TUSC3: variants seen among roughly 807,000 people sequenced by gnomAD.
TUSC3 encodes tumor suppressor candidate 3.
Under a neutral mutation model 44.8 loss-of-function variants are expected in TUSC3, and 45 were observed. That is an observed-to-expected ratio of 1.00 (90% CI 0.79 to 1.29). The LOEUF (loss-of-function observed/expected upper bound fraction) is 1.29, where lower values mean the gene tolerates loss of function less well. Ranked by LOEUF, TUSC3 falls within the 50% of genes most tolerant of loss-of-function variation. TUSC3 has a pLI of 0.00. For synonymous variants in TUSC3, 212 were observed against 152.9 expected, an observed-to-expected ratio of 1.39 and a Z score of -2.85; for missense variants, 519 against 437.9, an observed-to-expected ratio of 1.19 and a Z score of -1.65.
chr8:15,505,463 T>C (rs1801039427), intron 2 of TUSC3, among the ~76,000 whole-genome samples: 1 of 152,246 alleles, frequency 6.6e-6, no homozygotes, highest in African/African-American at 2.4e-5. Context: ...GCACCATTTT[T>C]ATTCCTGTTG....
chr8:15,709,615 TGAG>T lies in TUSC3; in HGVS notation c.799-21042_799-21040del, dbSNP rs911604106. Among the ~76,000 whole-genome samples the T allele has an allele frequency of 1.6e-4, 25 of 151,856 alleles. 1 individual carries two copies. The South Asian group carries it at 3.5e-3, about 21-fold the overall frequency. The stretch of plus-strand genomic sequence containing the variant: ...TTGAATGATGTGAAAATGTGGATGA[TGAG>T]GAGGAGGATGATGATGATGATGATA... On this transcript the variant is annotated intron_variant, in intron 6 of 10. Coordinates refer to ENST00000503731, the MANE Select transcript of TUSC3 (RefSeq NM_006765.4).
chr8:15,788,614 C>A, the TUSC3 span, among the ~76,000 whole-genome samples: 1 of 151,334 alleles, frequency 6.6e-6, no homozygotes, highest in African/African-American at 2.4e-5. Flanking sequence ...AAAATCAGAT[C>A]CTCATCCAGA....
At chr8:15,621,797 C>G (rs528958219) in intron 1 of TUSC3, among the ~76,000 whole-genome samples, 9 of 151,552 alleles carry the variant, frequency 5.9e-5, no homozygotes, top group African/African-American at 2.2e-4. Context: ...AAAACACAGC[C>G]GAGTCATTAG....
the TUSC3 span, among the ~76,000 whole-genome samples, chr8:15,849,713 A>T: frequency 6.6e-6 from 1 of 152,140 alleles, no homozygotes; most frequent in Non-Finnish European, 1.5e-5. Context: ...GGCTTTGCAG[A>T]GACCAGGGTA....
At chr8:15,571,319 A>T (rs1202540024) in intron 1 of TUSC3, among the ~76,000 whole-genome samples, 1 of 152,108 alleles carries the variant, frequency 6.6e-6, no homozygotes, top group Non-Finnish European at 1.5e-5. Flanking sequence ...ACTTTGAGAC[A>T]TGGGCTTGGT....
At chr8:15,531,074 A>G (rs765438238) in intron 2 of TUSC3, among the ~76,000 whole-genome samples, 1 of 152,154 alleles carries the variant, frequency 6.6e-6, no homozygotes, top group Non-Finnish European at 1.5e-5. Flanking sequence ...GCTAGGCACT[A>G]GTAGGCCGCT....
At chr8:15,457,560 T>G (rs1800273263) in intron 1 of TUSC3, among the ~76,000 whole-genome samples, 1 of 150,958 alleles carries the variant, frequency 6.6e-6, no homozygotes, top group African/African-American at 2.4e-5. Context: ...CATGAGAACT[T>G]TTCTGCACAT....
At chr8:15,796,683 G>T in the TUSC3 span, among the ~76,000 whole-genome samples, 1 of 152,194 alleles carries the variant, frequency 6.6e-6, no homozygotes, top group African/African-American at 2.4e-5. Flanking sequence ...AGCCTCAGGT[G>T]ACAGAAAGGG....
intron 2 of TUSC3, among the ~76,000 whole-genome samples, chr8:15,522,526 C>A (rs2129129627): frequency 6.6e-6 from 1 of 152,062 alleles, no homozygotes; most frequent in South Asian, 2.1e-4. Flanking sequence ...AGCCACCATG[C>A]CCAGCCTATT....
intron 1 of TUSC3, among the ~76,000 whole-genome samples, chr8:15,558,873 T>C (rs1372530130): frequency 1.3e-5 from 2 of 151,282 alleles, no homozygotes; most frequent in Non-Finnish European, 3.0e-5. Flanking sequence ...CATTTTTTAT[T>C]GCGTCTGTTC....
At chr8:15,828,254 C>T in the TUSC3 span, among the ~76,000 whole-genome samples, 6 of 152,146 alleles carry the variant, frequency 3.9e-5, 1 homozygote, top group Admixed American at 2.0e-4. Flanking sequence ...CTTGGCCTCC[C>T]GAAGTGCTGG....
intron 5 of TUSC3, among the ~76,000 whole-genome samples, chr8:15,667,420 A>T (rs1807714897): frequency 6.6e-6 from 1 of 151,752 alleles, no homozygotes; most frequent in South Asian, 2.1e-4. Flanking sequence ...CAGTGTATAA[A>T]TTCACTGATA....
At chr8:15,780,458 A>G in the TUSC3 span, among the ~76,000 whole-genome samples, 1 of 152,184 alleles carries the variant, frequency 6.6e-6, no homozygotes, top group African/African-American at 2.4e-5. Context: ...ACAGAAAAAA[A>G]AGTGCAGTTT....
chr8:15,587,505 G>T lies in TUSC3; in HGVS notation c.139-35575G>T, dbSNP rs562312829. ...ATATTTCCATGTATGTATCCAATGT[G>T]CAATGATCAAATCAGGGTAATTAGC... On this transcript the variant is annotated intron_variant, in intron 1 of 10. Transcript: ENST00000503731. Among the ~76,000 whole-genome samples the T allele has an allele frequency of 3.9e-5, 6 of 152,056 alleles. No individual in the cohort carries two copies. In the South Asian group the frequency reaches 1.2e-3, roughly 31 times the overall value.
chr8:15,829,939 C>A, the TUSC3 span, among the ~76,000 whole-genome samples: 1 of 152,090 alleles, frequency 6.6e-6, no homozygotes, highest in Non-Finnish European at 1.5e-5. Flanking sequence ...CTTTTCTCTG[C>A]ACACTCAACC....
rs1239992834 is a variant in TUSC3 at position 15,523,686 on chromosome 8, G to GTATATATA, written n.189+40204_189+40205insATATATAT. The stretch of plus-strand genomic sequence containing the variant: ...TATATGTGTGTGTGTGTGTGTGTGT[G>GTATATATA]TGTGTGTGTGTGTGTGTGTGTGTAT... On this transcript the variant is annotated intron_variant and non_coding_transcript_variant, in intron 2 of 5. Transcript: ENST00000503191. Among the ~76,000 whole-genome samples the GTATATATA allele has an allele frequency of 1.8e-3, 84 of 46,070 alleles. 1 individual carries two copies. The highest frequency in any genetic ancestry group is 2.8e-3 in the East Asian group (5 of 1,794). The allele number at this position is 46,070 out of a possible 152,430, so 30.2% of individuals were successfully genotyped here. A position where few individuals can be genotyped will look rare whatever the true frequency, so the allele number is the denominator to read the frequency against.
chr8:15,418,556 A>G (rs1001822276), intron 1 of TUSC3, among the ~76,000 whole-genome samples: 5 of 152,244 alleles, frequency 3.3e-5, no homozygotes, highest in Non-Finnish European at 7.3e-5. Context: ...GAAAGATTTT[A>G]TATCAGAAAA....
intron 1 of TUSC3, among the ~76,000 whole-genome samples, chr8:15,551,816 T>A (rs1423986569): frequency 6.6e-6 from 1 of 151,780 alleles, no homozygotes; most frequent in Non-Finnish European, 1.5e-5. Context: ...TTACTTCCCT[T>A]TTCTCTGTAT....
chr8:15,454,989 C>T (rs897256282), intron 1 of TUSC3, among the ~76,000 whole-genome samples: 2 of 152,070 alleles, frequency 1.3e-5, no homozygotes, highest in African/African-American at 4.8e-5. Flanking sequence ...AGGCAAAAGA[C>T]CAAGAAAACC....
Sources: gnomAD v4.1 joint callset for allele counts (sites outside exome capture counted in the v4.1 genomes callset) on GRCh38, gnomAD v4.1.1 for gene constraint, MANE v1.5 for transcripts, NCBI Gene and HGNC (gene_info 2026-07-23, HGNC 2026-07-21) for gene names.